The following FMN2 variants were observed in gnomAD, a reference collection of about 807,000 sequenced individuals.
The protein encoded by FMN2 is formin-2.
Under a neutral mutation model 142.3 loss-of-function variants are expected in FMN2, and 51 were observed. The ratio of observed to expected loss-of-function variants is 0.36; its 90% CI spans 0.29 to 0.45. The LOEUF is 0.45. FMN2 is among the 20% of genes least tolerant of loss of function. The probability of loss-of-function intolerance (pLI) is 1.00; values close to 1 mark genes in which losing one functional copy is unlikely to be tolerated. For synonymous variants in FMN2, 882 were observed against 869.8 expected, an observed-to-expected ratio of 1.01 and a Z score of -0.25; for missense variants, 1,936 against 2,122.8, an observed-to-expected ratio of 0.91 and a Z score of 1.73.
In FMN2 at chr1:240,093,296, C is replaced by T. The variant is rs1324830703; in HGVS notation, c.1187C>T (p.Ser396Phe). ...GGACCTGACGCCCCCGCGGCCGCTT[C>T]CCTGCCCGGCAGCCCCGCGCCTAGC... ...AQGPDAPAAA[S>F]LPGSPAPSQR... The change falls in exon 1 of 18, where the codon TCC (serine) becomes TTC (phenylalanine). Residue 396 changes from serine to phenylalanine, a missense_variant. Physicochemically the swap from Ser to Phe is radical, Grantham distance 155. Transcript: ENST00000319653. The T allele has an allele frequency of 6.2e-7, 1 of 1,607,700 alleles. No homozygotes were observed. The highest frequency in any genetic ancestry group is 1.1e-5 in the South Asian group (1 of 90,498).
chr1:240,124,066 T>G (rs1662401689), intron 2 of FMN2, among the ~76,000 whole-genome samples: 1 of 152,228 alleles, frequency 6.6e-6, no homozygotes, highest in Admixed American at 6.5e-5. Flanking sequence ...GTTTATACGT[T>G]CATCCATCAA....
intron 14 of FMN2, among the ~76,000 whole-genome samples, chr1:240,357,862 C>T (rs919802851): frequency 2.6e-5 from 4 of 152,196 alleles, no homozygotes; most frequent in African/African-American, 7.2e-5. Flanking sequence ...CCTCTTCGGC[C>T]TCCCAAAGTG....
chr1:240,439,258 GC>G (rs1225350810), intron 16 of FMN2, among the ~76,000 whole-genome samples: 1 of 50,870 alleles, frequency 2.0e-5, no homozygotes, highest in Non-Finnish European at 4.9e-5. Flanking sequence ...GGACAACAGA[GC>G]AAGGCTGTCT....
rs773871472 is a variant in FMN2 at position 240,123,219 on chromosome 1, C to G, written c.1656C>G (p.Asn552Lys). ...AGAAGCTGTTCAGCCAGCAGGAGAA[C>G]GGGCCTCCAGAAGAAGCAGAGAAGT... ...LLEKLFSQQE[N>K]GPPEEAEKFC... is the part of the protein sequence containing the mutation. Residue 552 changes from asparagine to lysine, a missense_variant, in exon 2 of 18, where the codon AAC becomes AAG. Transcript: ENST00000319653. The G allele has an allele frequency of 6.2e-7, 1 of 1,614,130 alleles. No individual in the cohort carries two copies. The highest frequency in any genetic ancestry group is 2.2e-5 in the East Asian group (1 of 44,864).
intron 14 of FMN2, among the ~76,000 whole-genome samples, chr1:240,366,535 C>T (rs1672673619): frequency 9.3e-6 from 1 of 107,166 alleles, no homozygotes; most frequent in African/African-American, 4.0e-5. Flanking sequence ...CCTATTCTAT[C>T]CTTTTTTTTT....
At chr1:240,452,982 C>G (rs1676111307) in intron 16 of FMN2, among the ~76,000 whole-genome samples, 1 of 152,094 alleles carries the variant, frequency 6.6e-6, no homozygotes, top group South Asian at 2.1e-4. Flanking sequence ...GTTAAAAAGA[C>G]CTGGATTTGA....
intron 15 of FMN2, among the ~76,000 whole-genome samples, chr1:240,432,068 T>C (rs1370131771): frequency 6.6e-6 from 1 of 151,966 alleles, no homozygotes; most frequent in Non-Finnish European, 1.5e-5. Context: ...TCATCAAATG[T>C]TTGTTAATTC....
At chr1:240,121,043 C>T (rs1000261632) in intron 1 of FMN2, among the ~76,000 whole-genome samples, 1 of 152,150 alleles carries the variant, frequency 6.6e-6, no homozygotes, top group African/African-American at 2.4e-5. Context: ...TGCCTGTAGT[C>T]CCAGCTACTT....
rs1324160997 is a variant in FMN2, at chr1:240,184,300, G to A, written c.1931-3907G>A. Among the ~76,000 whole-genome samples, 5 of 131,598 alleles carry A rather than the reference G, an allele frequency of 3.8e-5. No individual in the cohort carries two copies. The East Asian group carries it at 1.2e-3, about 31-fold the overall frequency. 86.3% of individuals were successfully genotyped at this position (131,598 alleles called of 152,430 possible). On this transcript the variant is annotated intron_variant, in intron 3 of 17. Coordinates refer to ENST00000319653, the MANE Select transcript of FMN2 (RefSeq NM_020066.5). ...CGCCCAGGCTGGAGTGCAGTGGCGC[G>A]ATCTCGGCTCACTGCAAGCTCCGCC...
intron 16 of FMN2, among the ~76,000 whole-genome samples, chr1:240,464,130 T>C (rs1676536453): frequency 6.6e-6 from 1 of 152,194 alleles, no homozygotes; most frequent in Non-Finnish European, 1.5e-5. Flanking sequence ...TGGCTTTTTG[T>C]GACTAAACAC....
intron 10 of FMN2, among the ~76,000 whole-genome samples, chr1:240,329,749 G>A (rs149419807): frequency 0.012 from 1,789 of 151,640 alleles, 14 homozygotes; most frequent in Middle Eastern, 0.028. Context: ...AAAATCTTCA[G>A]TTTTCACGGT....
At chr1:240,264,960 A>G (rs779538619) in intron 7 of FMN2, among the ~76,000 whole-genome samples, 2 of 152,112 alleles carry the variant, frequency 1.3e-5, no homozygotes, top group Non-Finnish European at 2.9e-5. Context: ...TCAGGTTTAT[A>G]GATGGAGTCT....
chr1:240,187,458 G>A (rs74338952), intron 3 of FMN2, among the ~76,000 whole-genome samples: 1,935 of 152,102 alleles, frequency 0.013, 40 homozygotes, highest in African/African-American at 0.044. Context: ...CATCTGAAAG[G>A]TGCAGAGGAT....
intron 2 of FMN2, among the ~76,000 whole-genome samples, chr1:240,157,304 T>G (rs1012662150): frequency 1.7e-4 from 26 of 152,330 alleles, no homozygotes; most frequent in African/African-American, 5.5e-4. Context: ...GAGCTTCGTG[T>G]ATGTCTGTGG....
At chr1:240,246,192 T>C (rs1264098016) in intron 6 of FMN2, among the ~76,000 whole-genome samples, 2 of 147,944 alleles carry the variant, frequency 1.4e-5, no homozygotes, top group Non-Finnish European at 3.0e-5. Flanking sequence ...AAAATAAAAA[T>C]AAAAATAAAT....
intron 2 of FMN2, chr1:240,145,318 C>T (rs570522563): frequency 2.3e-4 from 273 of 1,179,192 alleles, no homozygotes; most frequent in Non-Finnish European, 1.5e-4. Context: ...CGCTGAGGGC[C>T]GCCGCTGGGG....
chr1:240,134,071 G>T (rs1443832628), intron 2 of FMN2, among the ~76,000 whole-genome samples: 2 of 152,148 alleles, frequency 1.3e-5, no homozygotes, highest in South Asian at 4.1e-4. Context: ...GATTAAATGA[G>T]ATTAATTTAT....
At chr1:240,404,422 G>T (rs987936002) in intron 15 of FMN2, among the ~76,000 whole-genome samples, 1 of 152,198 alleles carries the variant, frequency 6.6e-6, no homozygotes, top group Non-Finnish European at 1.5e-5. Context: ...GCAGGCTCCA[G>T]CCTGGTATTA....
intron 6 of FMN2, among the ~76,000 whole-genome samples, chr1:240,219,884 C>T (rs772229195): frequency 1.3e-5 from 2 of 152,132 alleles, no homozygotes; most frequent in Non-Finnish European, 2.9e-5. Flanking sequence ...GTCTTGTACT[C>T]CTGGGCTCAG....
Sources: allele counts gnomAD v4.1 joint callset (sites outside exome capture counted in the v4.1 genomes callset), GRCh38; gene constraint gnomAD v4.1.1; transcripts MANE v1.5; gene names NCBI Gene and HGNC (gene_info 2026-07-23, HGNC 2026-07-21).